ADAMTS6: variants seen among roughly 807,000 people sequenced by gnomAD.
The protein encoded by ADAMTS6 is A disintegrin and metalloproteinase with thrombospondin motifs 6.
ADAMTS6 carries 23 observed loss-of-function variants against 144.3 expected under a neutral mutation model. That is an observed-to-expected ratio of 0.16 (90% confidence interval 0.11 to 0.23). ADAMTS6 has a LOEUF of 0.23. ADAMTS6 is among the 10% of genes least tolerant of loss of function. ADAMTS6 has a pLI of 1.00. For missense variants in ADAMTS6, 999 were observed against 1,379.6 expected, an observed-to-expected ratio of 0.72 and a Z score of 4.37; for synonymous variants, 444 against 457.5, an observed-to-expected ratio of 0.97 and a Z score of 0.38.
chr5:65,394,993 T>C (rs935646641), intron 7 of ADAMTS6, among the ~76,000 whole-genome samples: 1 of 152,106 alleles, frequency 6.6e-6, no homozygotes, highest in Non-Finnish European at 1.5e-5. Flanking sequence ...TCAGAAAAGT[T>C]ACAAAAATTG....
intron 8 of ADAMTS6, among the ~76,000 whole-genome samples, chr5:65,333,165 G>C (rs1746943718): frequency 6.6e-6 from 1 of 151,996 alleles, no homozygotes; most frequent in Non-Finnish European, 1.5e-5. Flanking sequence ...AGAGAAACTA[G>C]AGAATTCATC....
intron 2 of ADAMTS6, 117 bp from the exon 3 acceptor site, chr5:65,471,259 T>A (rs1345800028): frequency 2.0e-5 from 21 of 1,029,726 alleles, no homozygotes; most frequent in Non-Finnish European, 2.3e-5. Flanking sequence ...CTATGAATCA[T>A]TATATGTGAG....
At position 65,188,240 on chromosome 5, in the gene ADAMTS6, A is replaced by G. The variant is rs1193256009; in HGVS notation, c.2706-20T>C. ...AACCACCTGCAGCAAGACATGGAAG[A>G]AACACAGAAAAGCATTTCCTCAGTG... On this transcript the variant is annotated intron_variant, in intron 21 of 24. Transcript: ENST00000381055. The G allele has an allele frequency of 5.0e-6, 8 of 1,611,080 alleles. No individual in the cohort carries two copies. Among genetic ancestry groups the G allele is most frequent in the South Asian group, 4.4e-5 (4 of 91,054 alleles).
intron 9 of ADAMTS6, among the ~76,000 whole-genome samples, chr5:65,302,231 T>TA (rs1743489556): frequency 6.9e-6 from 1 of 144,488 alleles, no homozygotes; most frequent in African/African-American, 2.5e-5. Flanking sequence ...CTTATACATA[T>TA]AATTATTATA....
Position 65,331,074 on chromosome 5 carries a change from A to AT in ADAMTS6, c.1118-1592dup, listed in dbSNP as rs1025153041. ...AGTAGAATAGGAAAATACCTGAAAT[A>AT]TTTTTTTAAAAATTGCATTATATTA... On this transcript the variant is annotated intron_variant, in intron 8 of 24. Coordinates refer to ENST00000381055, the MANE Select transcript of ADAMTS6 (RefSeq NM_197941.4). 4.6e-5 allele frequency among the ~76,000 whole-genome samples: 7 copies of AT among 152,110 alleles called. No individual in the cohort carries two copies. The East Asian group carries it at 1.4e-3, about 29-fold the overall frequency.
At chr5:65,325,264 C>T (rs1202800930) in intron 9 of ADAMTS6, among the ~76,000 whole-genome samples, 2 of 152,092 alleles carry the variant, frequency 1.3e-5, no homozygotes, top group African/African-American at 4.8e-5. Context: ...GAACCATATA[C>T]AGAATGGGTG....
intron 15 of ADAMTS6, among the ~76,000 whole-genome samples, chr5:65,236,056 T>C (rs1042156262): frequency 1.3e-5 from 2 of 152,074 alleles, no homozygotes; most frequent in Non-Finnish European, 2.9e-5. Flanking sequence ...TTCAAATACA[T>C]GAAGCAAAAT....
chr5:65,407,386 G>A (rs553148347), intron 7 of ADAMTS6, among the ~76,000 whole-genome samples: 6 of 151,210 alleles, frequency 4.0e-5, no homozygotes, highest in Admixed American at 1.3e-4. Context: ...TGTGCACAAC[G>A]TGCAGGTTCG....
intron 7 of ADAMTS6, among the ~76,000 whole-genome samples, chr5:65,406,805 G>C (rs1053611097): frequency 6.6e-6 from 1 of 151,928 alleles, no homozygotes; most frequent in African/African-American, 2.4e-5. Flanking sequence ...ATTATTTTGA[G>C]ATACGTCCCA....
intron 20 of ADAMTS6, among the ~76,000 whole-genome samples, chr5:65,205,405 A>C (rs1756020204): frequency 1.3e-5 from 2 of 152,236 alleles, no homozygotes; most frequent in Non-Finnish European, 2.9e-5. Flanking sequence ...GAAAATGTAA[A>C]GCATTTGTCT....
At chr5:65,294,674 C>G (rs1262855034) in intron 10 of ADAMTS6, among the ~76,000 whole-genome samples, 1 of 152,062 alleles carries the variant, frequency 6.6e-6, no homozygotes, top group Non-Finnish European at 1.5e-5. Flanking sequence ...TATTTTCATG[C>G]CTCTGAGTCA....
At chr5:65,330,911 G>C (rs1746657420) in intron 8 of ADAMTS6, among the ~76,000 whole-genome samples, 1 of 151,836 alleles carries the variant, frequency 6.6e-6, no homozygotes, top group Non-Finnish European at 1.5e-5. Flanking sequence ...TTTTGTTTCA[G>C]TTAATTTTTG....
intron 22 of ADAMTS6, among the ~76,000 whole-genome samples, chr5:65,182,297 A>G (rs557013242): frequency 3.4e-4 from 51 of 152,110 alleles, no homozygotes; most frequent in Non-Finnish European, 5.9e-4. Context: ...AAATACAAAA[A>G]AAAATTAGCC....
At chr5:65,306,539 C>T (rs1743956598) in intron 9 of ADAMTS6, among the ~76,000 whole-genome samples, 1 of 152,134 alleles carries the variant, frequency 6.6e-6, no homozygotes, top group Non-Finnish European at 1.5e-5. Flanking sequence ...CCTCAGACAT[C>T]CCAGGGATCA....
At chr5:65,336,662 C>T (rs1747336896) in intron 7 of ADAMTS6, among the ~76,000 whole-genome samples, 2 of 152,010 alleles carry the variant, frequency 1.3e-5, no homozygotes, top group Admixed American at 6.6e-5. Flanking sequence ...ACCTAAATAA[C>T]AGAGTTGGAA....
chr5:65,465,320 T>C (rs1412984797), intron 3 of ADAMTS6, among the ~76,000 whole-genome samples: 3 of 152,200 alleles, frequency 2.0e-5, no homozygotes, highest in African/African-American at 7.2e-5. Context: ...CTTATGTCCA[T>C]ATAATCTATT....
In ADAMTS6 at chr5:65,470,925, A is replaced by G. The variant is rs1760386485; in HGVS notation, c.315T>C (p.Asp105=). The G allele has an allele frequency of 6.2e-7, 1 of 1,612,542 alleles. No individual in the cohort carries two copies. Among genetic ancestry groups the G allele is most frequent in the Non-Finnish European group, 8.5e-7 (1 of 1,179,604 alleles). The change falls in exon 3 of 25, where the codon GAT becomes GAC. Residue 105 remains aspartate (D), a synonymous_variant. Transcript: ENST00000381055. The stretch of plus-strand genomic sequence containing the variant: ...CTACTGTAAAATGTTTGGACACAAA[A>G]TCTGTGTTGAGAGTCAAGTTTAGAT... The part of the protein sequence containing the change: ...HFHLNLTLNT[D]FVSKHFTVEY...
At chr5:65,305,483 C>T (rs1743850405) in intron 9 of ADAMTS6, among the ~76,000 whole-genome samples, 2 of 152,112 alleles carry the variant, frequency 1.3e-5, no homozygotes, top group East Asian at 3.9e-4. Flanking sequence ...GTGCCTTGAA[C>T]TAAGTATAGA....
intron 11 of ADAMTS6, among the ~76,000 whole-genome samples, chr5:65,279,018 A>ACTG: frequency 6.7e-6 from 1 of 149,148 alleles, no homozygotes; most frequent in South Asian, 2.1e-4. Flanking sequence ...AACATGGCTC[A>ACTG]CTGCAGCCTT....
Sources: allele counts gnomAD v4.1 joint callset (sites outside exome capture counted in the v4.1 genomes callset), GRCh38; gene constraint gnomAD v4.1.1; transcripts MANE v1.5; gene names NCBI Gene and HGNC (gene_info 2026-07-23, HGNC 2026-07-21).